The following SATB1 variants were observed in gnomAD, a reference collection of about 807,000 sequenced individuals.
SATB1 encodes DNA-binding protein SATB1.
SATB1 carries 11 observed loss-of-function variants against 86.9 expected under a neutral mutation model. The observed-to-expected ratio is 0.13, with a 90% CI of 0.08 to 0.21. The LOEUF (loss-of-function observed/expected upper bound fraction) is 0.21, where lower values mean the gene tolerates loss of function less well. SATB1 is among the 10% of genes least tolerant of loss of function. The pLI is 1.00. For missense variants in SATB1, 551 were observed against 937.6 expected, an observed-to-expected ratio of 0.59 and a Z score of 5.39; for synonymous variants, 357 against 357.2, an observed-to-expected ratio of 1.00 and a Z score of 0.01.
At chr3:18,395,498 A>G (rs1265661725) in intron 6 of SATB1, among the ~76,000 whole-genome samples, 1 of 152,240 alleles carries the variant, frequency 6.6e-6, no homozygotes, top group South Asian at 2.1e-4. Context: ...GGGCATAATA[A>G]TAAGTGTATA....
intron 3 of SATB1, 22 bp from the exon 4 acceptor site, chr3:18,416,155 T>C (rs369826308): frequency 4.4e-5 from 70 of 1,574,330 alleles, no homozygotes; most frequent in Admixed American, 7.1e-5. Flanking sequence ...AAAGAGAATA[T>C]GTCACTAAAT....
At chr3:18,393,457 G>C (rs1025381470) in intron 7 of SATB1, among the ~76,000 whole-genome samples, 3 of 152,116 alleles carry the variant, frequency 2.0e-5, no homozygotes, top group Non-Finnish European at 4.4e-5. Flanking sequence ...CAGTTCAACA[G>C]AGTCAATTTG....
chr3:18,433,536 T>C (rs1044515429), intron 2 of SATB1, among the ~76,000 whole-genome samples: 1 of 152,124 alleles, frequency 6.6e-6, no homozygotes, highest in Non-Finnish European at 1.5e-5. Flanking sequence ...TCTATTCCTA[T>C]GGATTTTATA....
chr3:18,445,416 G>C, intron 1 of SATB1: 1 of 985,364 alleles, frequency 1.0e-6, no homozygotes, highest in Non-Finnish European at 1.2e-6. Flanking sequence ...GGGTTGGCGC[G>C]GAAGACAGGA....
At chr3:18,425,516 G>A (rs1373979154), upstream of SATB1, 1 of 150,850 alleles carries the variant, frequency 6.6e-6, no homozygotes, top group African/African-American at 2.4e-5. Context: ...GGGGCGGCGA[G>A]TTAAAAAGCC....
chr3:18,411,084 T>C, intron 5 of SATB1: 2 of 389,054 alleles, frequency 5.1e-6, no homozygotes, highest in East Asian at 3.7e-5. Context: ...TGGAAAATCA[T>C]CTTTCTCAAT....
intron 5 of SATB1, among the ~76,000 whole-genome samples, chr3:18,412,517 T>G (rs549038042): frequency 6.6e-6 from 1 of 152,182 alleles, no homozygotes; most frequent in South Asian, 2.1e-4. Flanking sequence ...AAACCCTTAC[T>G]GTACAGTAAA....
At chr3:18,408,770 G>C (rs969071931) in intron 5 of SATB1, 2 of 151,458 alleles carry the variant, frequency 1.3e-5, no homozygotes, top group Non-Finnish European at 2.9e-5. Context: ...AATCCAGATA[G>C]AGCCCAACTT....
intron 9 of SATB1, among the ~76,000 whole-genome samples, chr3:18,357,176 G>A (rs1056573025): frequency 6.6e-6 from 1 of 151,568 alleles, no homozygotes; most frequent in Non-Finnish European, 1.5e-5. Flanking sequence ...GTTATTTGCA[G>A]GAATAGTTTG....
At chr3:18,377,654 G>A (rs1329777316) in intron 9 of SATB1, among the ~76,000 whole-genome samples, 1 of 152,050 alleles carries the variant, frequency 6.6e-6, no homozygotes, top group Non-Finnish European at 1.5e-5. Flanking sequence ...AAAGCTATGT[G>A]TGTGTGTGTG....
chr3:18,442,558 T>A (rs1699269143), upstream of SATB1, among the ~76,000 whole-genome samples: 1 of 152,196 alleles, frequency 6.6e-6, no homozygotes, highest in Non-Finnish European at 1.5e-5. Context: ...TACTGTTACA[T>A]TTTATATAGT....
intron 2 of SATB1, among the ~76,000 whole-genome samples, chr3:18,431,777 T>A (rs1698898359): frequency 6.6e-6 from 1 of 152,196 alleles, no homozygotes; most frequent in Non-Finnish European, 1.5e-5. Context: ...GTGGGCAAGC[T>A]ACTTGTTTCA....
At position 18,386,453 on chromosome 3, in the gene SATB1, G is replaced by A; in HGVS notation, c.1365C>T (p.Ala455=). The part of the protein sequence containing the change: ...QDERERSLNA[A]SAMGPAPLIS... ...TGAGGGGGGCAGGACCCATGGCCGA[G>A]GCAGCATTCAAGCTCCTTTCCCTTT... Residue 455 remains alanine (A), a synonymous_variant, in exon 8 of 11, where the codon GCC becomes GCT. Coordinates refer to ENST00000338745, the MANE Select transcript of SATB1 (RefSeq NM_002971.6). This position sits in a 1 kb window ranked among gnomAD's most constrained non-coding sequence, Gnocchi z 4.5. The A allele has an allele frequency of 1.2e-6, 2 of 1,614,110 alleles. No homozygotes were observed. Among genetic ancestry groups the A allele is most frequent in the Non-Finnish European group, 1.7e-6 (2 of 1,180,014 alleles).
upstream of SATB1, among the ~76,000 whole-genome samples, chr3:18,443,536 G>T (rs550340840): frequency 6.6e-6 from 1 of 152,342 alleles, no homozygotes; most frequent in South Asian, 2.1e-4. This position sits in a 1 kb window ranked among gnomAD's most constrained non-coding sequence, Gnocchi z 4.4. Flanking sequence ...CAACACCTCA[G>T]TGGAGGCCAA....
At chr3:18,402,856 A>T (rs1184746337) in intron 5 of SATB1, among the ~76,000 whole-genome samples, 1 of 152,154 alleles carries the variant, frequency 6.6e-6, no homozygotes, top group Non-Finnish European at 1.5e-5. Context: ...AGAGAGGGCA[A>T]GGGCTACAAC....
intron 9 of SATB1, among the ~76,000 whole-genome samples, chr3:18,369,190 T>C (rs1229354122): frequency 1.3e-5 from 2 of 150,258 alleles, no homozygotes; most frequent in African/African-American, 2.4e-5. Context: ...AGAAAAGCTG[T>C]CCTTTAGAAA....
At chr3:18,397,354 A>T in intron 5 of SATB1, 64 bp from the exon 6 acceptor site, 1 of 948,274 alleles carries the variant, frequency 1.1e-6, no homozygotes, top group Non-Finnish European at 1.7e-6. Flanking sequence ...CACAGAAATG[A>T]TCTCAATTGT....
intron 2 of SATB1, chr3:18,417,822 A>G: frequency 1.8e-6 from 1 of 570,338 alleles, no homozygotes; most frequent in East Asian, 3.0e-5. Context: ...TAAATAAGGT[A>G]AAAATGAGAG....
At chr3:18,379,557 T>C (rs144287043) in intron 8 of SATB1, among the ~76,000 whole-genome samples, 642 of 152,324 alleles carry the variant, frequency 4.2e-3, no homozygotes, top group Non-Finnish European at 5.3e-3. Context: ...CATTAAATGA[T>C]ATAGCCTTTG....
Sources: gnomAD v4.1 joint callset for allele counts (sites outside exome capture counted in the v4.1 genomes callset) on GRCh38, gnomAD v4.1.1 for gene constraint, Gnocchi (gnomAD v3.1) non-coding constraint, MANE v1.5 for transcripts, NCBI Gene and HGNC (gene_info 2026-07-23, HGNC 2026-07-21) for gene names.